The following ABR variants were observed in gnomAD, a reference collection of about 807,000 sequenced individuals.
ABR encodes active breakpoint cluster region-related protein.
ABR carries 35 observed loss-of-function variants against 107.2 expected under a neutral mutation model. The observed-to-expected ratio is 0.33, with a 90% CI of 0.25 to 0.43. ABR has a LOEUF of 0.43. ABR is among the 20% of genes least tolerant of loss of function. ABR has a pLI of 1.00. For synonymous variants in ABR, 498 were observed against 462.0 expected (o/e 1.08, Z -1.00); for missense variants, 815 against 1,115.2 (o/e 0.73, Z 3.83).
chr17:1,144,517 C>T (rs1163026517), intron 1 of ABR, among the ~76,000 whole-genome samples: 1 of 151,932 alleles, frequency 6.6e-6, no homozygotes, highest in Non-Finnish European at 1.5e-5. Flanking sequence ...ACAGGGCTGC[C>T]CCTGTGGAGT....
intron 16 of ABR, among the ~76,000 whole-genome samples, chr17:1,019,068 GGT>G (rs1353952265): frequency 6.6e-6 from 1 of 152,168 alleles, no homozygotes; most frequent in Non-Finnish European, 1.5e-5. Flanking sequence ...CGGGCCTCCT[GGT>G]GTGTGTCCCG....
chr17:1,149,329 C>A (rs908089732), intron 1 of ABR, among the ~76,000 whole-genome samples: 5 of 152,130 alleles, frequency 3.3e-5, no homozygotes, highest in Non-Finnish European at 5.9e-5. Context: ...GGGGCTGAAC[C>A]AGGCCTGGAG....
At chr17:1,061,961 A>G (rs1196761290) in intron 10 of ABR, among the ~76,000 whole-genome samples, 1 of 152,168 alleles carries the variant, frequency 6.6e-6, no homozygotes, top group Non-Finnish European at 1.5e-5. Context: ...ATGCAATTAC[A>G]ATTCAGTACC....
intron 16 of ABR, among the ~76,000 whole-genome samples, chr17:1,025,831 C>T (rs557362668): frequency 7.3e-4 from 111 of 152,304 alleles, no homozygotes; most frequent in Non-Finnish European, 1.4e-3. Flanking sequence ...TCGTCTGTCT[C>T]GGGCGCCTCT....
At chr17:1,187,263 C>CGT (rs1444212609) in exon 1 of ABR, 1 of 152,438 alleles carries the variant, frequency 6.6e-6, no homozygotes, top group Admixed American at 6.5e-5. Flanking sequence ...CCGGTCGGGC[C>CGT]GTGTGTGCTG....
chr17:1,204,966 T>A (rs1161308764), intron 1 of ABR, among the ~76,000 whole-genome samples: 1 of 143,326 alleles, frequency 7.0e-6, no homozygotes, highest in Non-Finnish European at 1.5e-5. Flanking sequence ...TGCAAGGGCG[T>A]GATCTCGGCT....
chr17:1,216,052 T>C (rs1208061791), intron 1 of ABR, among the ~76,000 whole-genome samples: 1 of 150,122 alleles, frequency 6.7e-6, no homozygotes, highest in African/African-American at 2.4e-5. Flanking sequence ...GGCCGCAGGG[T>C]CCTCTGCCTA....
chr17:1,188,215 CAAAT>C (rs2042353820), upstream of ABR, among the ~76,000 whole-genome samples: 1 of 151,396 alleles, frequency 6.6e-6, no homozygotes, highest in African/African-American at 2.4e-5. Context: ...CTCAAAAAAA[CAAAT>C]AAGTAAATAA....
Position 1,071,363 on chromosome 17 carries a change from G to A in ABR, c.894+1251C>T, listed in dbSNP as rs532118500. On this transcript the variant is annotated intron_variant, in intron 8 of 22. Transcript: ENST00000302538. The surrounding 1 kb of genome is among the most constrained non-coding windows in gnomAD (Gnocchi z 5.1). ...TCTCCCCAGGAGACCCTGGGGGCTC[G>A]TAAACAGACCACAGGAGCAGACACC... 7.5e-4 allele frequency among the ~76,000 whole-genome samples: 114 copies of A among 152,176 alleles called. No homozygotes were observed. The highest frequency in any genetic ancestry group is 2.5e-3 in the African/African-American group (103 of 41,514).
chr17:1,115,952 C>T (rs1410720396), intron 2 of ABR, among the ~76,000 whole-genome samples: 2 of 114,798 alleles, frequency 1.7e-5, no homozygotes, highest in Non-Finnish European at 3.6e-5. Flanking sequence ...ATAGGCTGGG[C>T]GAGGTGGCTC....
At chr17:1,117,175 C>T (rs74943970) in intron 2 of ABR, among the ~76,000 whole-genome samples, 9,673 of 15,280 alleles carry the variant, frequency 0.63, 2,908 homozygotes, top group African/African-American at 0.68. Flanking sequence ...GCCTGAGTTC[C>T]TCCCAGCGTT....
chr17:1,073,232 C>A (rs1197927538), intron 7 of ABR, among the ~76,000 whole-genome samples: 1 of 151,784 alleles, frequency 6.6e-6, no homozygotes, highest in Non-Finnish European at 1.5e-5. Flanking sequence ...GGGAGAGGGC[C>A]CTGGCTGCCC....
chr17:1,083,434 G>A (rs1224788170), intron 5 of ABR, 86 bp downstream of exon 5: 14 of 909,112 alleles, frequency 1.5e-5, no homozygotes, highest in Non-Finnish European at 2.2e-5. Context: ...TTCACCGACT[G>A]GCAAGCGAGG....
At chr17:1,198,467 G>A (rs77470342) in intron 1 of ABR, among the ~76,000 whole-genome samples, 2,065 of 151,590 alleles carry the variant, frequency 0.014, 127 homozygotes, top group African/African-American at 0.048. Context: ...TTCCGGCCAG[G>A]CACAGTGGCT....
At chr17:1,161,009 C>T (rs980397820) in intron 1 of ABR, among the ~76,000 whole-genome samples, 13 of 152,202 alleles carry the variant, frequency 8.5e-5, no homozygotes, top group South Asian at 2.1e-4. Context: ...GTCGCTGGAC[C>T]GCCCTGCCTG....
chr17:1,173,612 G>A (rs184840144), intron 1 of ABR, among the ~76,000 whole-genome samples: 82 of 152,196 alleles, frequency 5.4e-4, no homozygotes, highest in East Asian at 3.9e-4. Context: ...CCACACAGCC[G>A]GAAACGCATG....
chr17:1,020,509 A>G (rs763125048), intron 16 of ABR, among the ~76,000 whole-genome samples: 11 of 152,214 alleles, frequency 7.2e-5, no homozygotes, highest in Non-Finnish European at 1.6e-4. Context: ...CCTGCGGCGA[A>G]AACCCAGCAG....
intron 1 of ABR, among the ~76,000 whole-genome samples, chr17:1,129,596 A>G (rs1258750740): frequency 6.6e-6 from 1 of 152,214 alleles, no homozygotes; most frequent in African/African-American, 2.4e-5. Context: ...GTTGGGCTCC[A>G]GTGAGTGACA....
intron 13 of ABR, among the ~76,000 whole-genome samples, 156 bp from the exon 14 acceptor site, chr17:1,056,265 C>G (rs1162897718): frequency 6.6e-6 from 1 of 152,044 alleles, no homozygotes; most frequent in East Asian, 1.9e-4. Flanking sequence ...CCGAAGGCCA[C>G]GGCGGCCTTA....
Sources: allele counts gnomAD v4.1 joint callset (sites outside exome capture counted in the v4.1 genomes callset), GRCh38; gene constraint gnomAD v4.1.1; non-coding constraint Gnocchi (gnomAD v3.1); transcripts MANE v1.5; gene names NCBI Gene and HGNC (gene_info 2026-07-23, HGNC 2026-07-21).